The following DNAAF9 variants were observed in gnomAD, a reference collection of about 807,000 sequenced individuals.
DNAAF9 encodes shulin.
DNAAF9 carries 90 observed loss-of-function variants against 167.0 expected under a neutral mutation model. The observed-to-expected ratio is 0.54, with a 90% confidence interval of 0.45 to 0.64. DNAAF9 has a LOEUF of 0.64. Ranked by LOEUF, DNAAF9 falls within the 30% of genes least tolerant of loss-of-function variation. DNAAF9 has a pLI of 0.00. For missense variants in DNAAF9, 1,315 were observed against 1,442.2 expected, an observed-to-expected ratio of 0.91 and a Z score of 1.43; for synonymous variants, 491 against 508.8, an observed-to-expected ratio of 0.96 and a Z score of 0.47.
intron 35 of DNAAF9, among the ~76,000 whole-genome samples, chr20:3,254,374 C>T (rs1264334454): frequency 2.6e-5 from 4 of 152,168 alleles, no homozygotes; most frequent in African/African-American, 7.2e-5. Flanking sequence ...CCACCATGCC[C>T]GGCCACAAAC....
chr20:3,403,180 A>C (rs984398762), intron 1 of DNAAF9, among the ~76,000 whole-genome samples: 1 of 151,944 alleles, frequency 6.6e-6, no homozygotes, highest in Non-Finnish European at 1.5e-5. Flanking sequence ...TCCCTTCCAC[A>C]TTGCCACATC....
intron 5 of DNAAF9, 59 bp from the exon 6 acceptor site, chr20:3,374,213 A>AC: frequency 8.5e-7 from 1 of 1,172,916 alleles, no homozygotes; most frequent in Non-Finnish European, 1.3e-6. Flanking sequence ...AACAGTCTAA[A>AC]CCTGACCTAA....
chr20:3,364,442 C>A (rs2123190839), intron 6 of DNAAF9, among the ~76,000 whole-genome samples: 1 of 152,186 alleles, frequency 6.6e-6, no homozygotes, highest in South Asian at 2.1e-4. Flanking sequence ...ATTAGGAAGG[C>A]CTGGAGCCAC....
At chr20:3,332,884 G>A (rs551314208) in intron 10 of DNAAF9, among the ~76,000 whole-genome samples, 3 of 139,150 alleles carry the variant, frequency 2.2e-5, no homozygotes, top group East Asian at 2.0e-4. Context: ...GCATGCGTGT[G>A]TGCGTGTGTG....
intron 30 of DNAAF9, among the ~76,000 whole-genome samples, chr20:3,265,044 G>A (rs948191459): frequency 2.6e-5 from 4 of 152,032 alleles, no homozygotes; most frequent in African/African-American, 4.8e-5. Flanking sequence ...ACAGAACTAC[G>A]ATATCATGAT....
At chr20:3,293,292 C>CAAA (rs1172725572) in intron 25 of DNAAF9, among the ~76,000 whole-genome samples, 1,430 of 22,872 alleles carry the variant, frequency 0.063, 449 homozygotes, top group Non-Finnish European at 0.069. Flanking sequence ...GACTCCGTCT[C>CAAA]AAAAAAAAAA....
chr20:3,315,214 C>T lies in DNAAF9; in HGVS notation c.1591-94G>A. On this transcript the variant is annotated intron_variant, in intron 19 of 36. Coordinates refer to ENST00000252032, the MANE Select transcript of DNAAF9 (RefSeq NM_001009984.3). This position sits in a 1 kb window ranked among gnomAD's most constrained non-coding sequence, Gnocchi z 4.1. Reference sequence around the variant, plus strand: ...AATCAAAAGTCCTGCCCAATTATGTCCGTCTACAAAAGCTGAGTCAGGCTC... The same window carrying T: ...AATCAAAAGTCCTGCCCAATTATGTTCGTCTACAAAAGCTGAGTCAGGCTC... The T allele has an allele frequency of 1.2e-6, 1 of 813,758 alleles. No homozygotes were observed. The allele number at this position is 813,758 out of a possible 1,614,324, so 50.4% of individuals were successfully genotyped here.
rs1568599364 is a variant in DNAAF9 at position 3,315,150 on chromosome 20, CA to C, written c.1591-31del. 1.5e-6 allele frequency: 2 copies of C among 1,310,354 alleles called. No individual in the cohort carries two copies. The highest frequency in any genetic ancestry group is 2.2e-6 in the Non-Finnish European group (2 of 906,144). 81.2% of individuals were successfully genotyped at this position (1,310,354 alleles called of 1,614,324 possible). A position where few individuals can be genotyped will look rare whatever the true frequency, so the allele number is the denominator to read the frequency against. On this transcript the variant is annotated intron_variant, in intron 19 of 36. Coordinates refer to ENST00000252032, the MANE Select transcript of DNAAF9 (RefSeq NM_001009984.3). The surrounding 1 kb of genome is among the most constrained non-coding windows in gnomAD (Gnocchi z 4.1). ...AAAAACAACAACAAAAACAAAAATC[CA>C]AAAAAGAATAGGTGATTTATAGCAT... is the stretch of plus-strand genomic sequence containing the variant.
chr20:3,321,801 G>T (rs1053758160), intron 16 of DNAAF9, among the ~76,000 whole-genome samples: 1 of 152,094 alleles, frequency 6.6e-6, no homozygotes, highest in Non-Finnish European at 1.5e-5. Flanking sequence ...TCAACTCTAG[G>T]TTCCTGTTAA....
intron 23 of DNAAF9, chr20:3,296,353 A>C: frequency 3.0e-6 from 1 of 328,352 alleles, no homozygotes; most frequent in South Asian, 2.5e-5. Flanking sequence ...CCTCACAGCC[A>C]CACTGGCTCC....
intron 27 of DNAAF9, among the ~76,000 whole-genome samples, chr20:3,282,725 T>C (rs2068783432): frequency 1.3e-5 from 2 of 152,186 alleles, no homozygotes; most frequent in Non-Finnish European, 2.9e-5. Flanking sequence ...GGCTCTTTTC[T>C]GAACATGCCA....
chr20:3,331,696 C>T (rs1360860743), intron 11 of DNAAF9, among the ~76,000 whole-genome samples: 1 of 152,180 alleles, frequency 6.6e-6, no homozygotes, highest in Non-Finnish European at 1.5e-5. Context: ...GTTGTTAAGA[C>T]AGAGTCTCAC....
chr20:3,344,173 T>C (rs751987841), intron 8 of DNAAF9, among the ~76,000 whole-genome samples: 3 of 152,168 alleles, frequency 2.0e-5, no homozygotes, highest in Non-Finnish European at 4.4e-5. Context: ...CATTAATATA[T>C]ACAAATTCTG....
rs1555794922 is a variant in DNAAF9, at chr20:3,349,208, A to AAG, written c.691-586_691-585insCT. The stretch of plus-strand genomic sequence containing the variant: ...CGTCTCTACCAAAAAAAAAAACAAA[A>AAG]AAAAAAAAAACACCATGAAAAAAAC... On this transcript the variant is annotated intron_variant, in intron 7 of 36. Coordinates refer to ENST00000252032, the MANE Select transcript of DNAAF9 (RefSeq NM_001009984.3). 5.9e-3 allele frequency among the ~76,000 whole-genome samples: 881 copies of AAG among 149,982 alleles called. 17 individuals carry two copies. The highest frequency in any genetic ancestry group is 0.021 in the African/African-American group (846 of 40,610).
chr20:3,340,825 C>T (rs1467774904), intron 9 of DNAAF9, 186 bp from the exon 10 acceptor site: 10 of 585,674 alleles, frequency 1.7e-5, no homozygotes, highest in Non-Finnish European at 2.8e-5. Flanking sequence ...TCCCTACTGA[C>T]CCACAGGGAT....
At chr20:3,288,318 C>T (rs920026057) in intron 26 of DNAAF9, among the ~76,000 whole-genome samples, 15 of 152,268 alleles carry the variant, frequency 9.9e-5, no homozygotes, top group African/African-American at 3.1e-4. Context: ...GGCTTGGTGG[C>T]GCATGCCTGT....
At chr20:3,323,200 C>T (rs978757111) in intron 14 of DNAAF9, among the ~76,000 whole-genome samples, 1 of 149,516 alleles carries the variant, frequency 6.7e-6, no homozygotes, top group Non-Finnish European at 1.5e-5. Context: ...GCATTCATGG[C>T]TCCCACTCCT....
At chr20:3,318,557 A>C (rs551616378) in intron 16 of DNAAF9, among the ~76,000 whole-genome samples, 157 bp from the exon 17 acceptor site, 2 of 152,212 alleles carry the variant, frequency 1.3e-5, no homozygotes, top group Non-Finnish European at 2.9e-5. Context: ...ACATCTTTGA[A>C]CTGGGAGGTG....
chr20:3,382,538 T>A (rs1398251220), intron 1 of DNAAF9, 32 bp from the exon 2 acceptor site: 3 of 1,569,060 alleles, frequency 1.9e-6, no homozygotes, highest in Non-Finnish European at 2.6e-6. Flanking sequence ...GTCCCCTGAG[T>A]GCCAGGACAG....
Sources: gnomAD v4.1 joint callset for allele counts (sites outside exome capture counted in the v4.1 genomes callset) on GRCh38, gnomAD v4.1.1 for gene constraint, Gnocchi (gnomAD v3.1) non-coding constraint, MANE v1.5 for transcripts, NCBI Gene and HGNC (gene_info 2026-07-23, HGNC 2026-07-21) for gene names.